Variants in CFAP20 observed in about 807,000 individuals in gnomAD.
CFAP20 encodes the protein cilia- and flagella-associated protein 20.
CFAP20 carries 14 observed loss-of-function variants against 25.5 expected under a neutral mutation model. That is an observed-to-expected ratio of 0.55 (90% confidence interval 0.36 to 0.86). The LOEUF (loss-of-function observed/expected upper bound fraction) is 0.86, where lower values mean the gene tolerates loss of function less well. Among genes scored for constraint, CFAP20 ranks in the 40% least tolerant of loss-of-function variants. The probability of loss-of-function intolerance (pLI) is 0.01; values close to 1 mark genes in which losing one functional copy is unlikely to be tolerated. For missense variants in CFAP20, 181 were observed against 248.0 expected (o/e 0.73, Z 1.81); for synonymous variants, 75 against 91.1 (o/e 0.82, Z 1.01).
Position 58,114,905 on chromosome 16 carries a change from G to A in CFAP20, c.481C>T (p.Arg161Cys), listed in dbSNP as rs1163431364. 8 of 1,613,382 alleles carry A rather than the reference G, an allele frequency of 5.0e-6. No homozygotes were observed. The highest frequency in any genetic ancestry group is 3.3e-5 in the Admixed American group (2 of 59,976). ...TCTGAGAAGTAAACCCGTCGGATGC[G>A]ACAATTTGCATGGATCTGTCAAGGC... Reference protein sequence around the residue: ...TLRVQIHANCRIRRVYFSDRL... With the variant: ...TLRVQIHANCCIRRVYFSDRL... Residue 161 changes from arginine (R) to cysteine (C), a missense_variant, in exon 5 of 6, where the codon CGC (arginine) becomes TGC (cysteine). Transcript: ENST00000262498.
Position 58,115,260 on chromosome 16 carries a change from G to A in CFAP20, c.465+9C>T. On this transcript the variant is annotated intron_variant, in intron 4 of 5. Coordinates refer to ENST00000262498, the MANE Select transcript of CFAP20 (RefSeq NM_013242.3). ...CAACCCAGGGCTCTATCTGGGAAAG[G>A]AGCAGTACCTGCACTCTGAGGGTCT... 3 of 1,614,054 alleles carry A rather than the reference G, an allele frequency of 1.9e-6. No individual in the cohort carries two copies. The highest frequency in any genetic ancestry group is 1.1e-5 in the South Asian group (1 of 91,042).
At chr16:58,121,759 C>T (rs1003611814) in intron 1 of CFAP20, among the ~76,000 whole-genome samples, 2 of 152,122 alleles carry the variant, frequency 1.3e-5, no homozygotes, top group Non-Finnish European at 2.9e-5. Context: ...CGATTTCTCT[C>T]CCTCCCCGCA....
intron 1 of CFAP20, among the ~76,000 whole-genome samples, chr16:58,123,941 C>A (rs948042216): frequency 6.6e-6 from 1 of 152,124 alleles, no homozygotes; most frequent in South Asian, 2.1e-4. Context: ...GAAGGTCACT[C>A]TGAGAAAGGC....
chr16:58,127,145 A>G (rs1960626141), intron 1 of CFAP20, among the ~76,000 whole-genome samples: 1 of 152,204 alleles, frequency 6.6e-6, no homozygotes, highest in South Asian at 2.1e-4. Context: ...TGGCGTTGTT[A>G]AGGGACACAG....
chr16:58,125,780 T>C (rs1960603275), intron 1 of CFAP20, among the ~76,000 whole-genome samples: 1 of 152,264 alleles, frequency 6.6e-6, no homozygotes, highest in Non-Finnish European at 1.5e-5. Context: ...CTGAACATCA[T>C]TGTATATGCT....
chr16:58,126,919 G>A (rs574680659), intron 1 of CFAP20, among the ~76,000 whole-genome samples: 1 of 152,136 alleles, frequency 6.6e-6, no homozygotes, highest in East Asian at 1.9e-4. Context: ...CCCAAGAGGG[G>A]AAAAATCCTC....
In CFAP20 at chr16:58,116,846, C is replaced by T. The variant is rs764641089; in HGVS notation, c.164+26G>A. On this transcript the variant is annotated intron_variant, in intron 2 of 5. Transcript: ENST00000262498. ...ACTGCCTCCCTAGTATATGATGTCT[C>T]TGGGAGAACAGAGGTGGCAACCTAC... The T allele has an allele frequency of 1.9e-6, 3 of 1,596,476 alleles. No homozygotes were observed. In the South Asian group the frequency reaches 3.3e-5, roughly 18 times the overall value.
At position 58,113,831 on chromosome 16, in the gene CFAP20, C is replaced by G. The variant is rs1409000778; in HGVS notation, c.*194G>C. On this transcript the variant is annotated 3_prime_UTR_variant, in exon 6 of 6. Coordinates refer to ENST00000262498, the MANE Select transcript of CFAP20 (RefSeq NM_013242.3). ...TGCGCCACTCACAGGACTGCTTACC[C>G]CCACTGCACTTACAATGCAGTCACA... 1 of 634,510 alleles carries G rather than the reference C, an allele frequency of 1.6e-6. No individual in the cohort carries two copies. Among genetic ancestry groups the G allele is most frequent in the Non-Finnish European group, 2.8e-6 (1 of 359,966 alleles). 39.3% of individuals were successfully genotyped at this position (634,510 alleles called of 1,614,324 possible).
intron 5 of CFAP20, 139 bp from the exon 6 acceptor site, chr16:58,114,169 C>T: frequency 2.2e-6 from 2 of 913,106 alleles, no homozygotes; most frequent in Non-Finnish European, 3.6e-6. Context: ...AGCACACAGG[C>T]AGGGAAGCAC....
intron 3 of CFAP20, 25 bp from the exon 4 acceptor site, chr16:58,115,482 C>A (rs1338236839): frequency 6.2e-7 from 1 of 1,610,498 alleles, no homozygotes; most frequent in South Asian, 1.1e-5. Context: ...GAAGAAGCAT[C>A]ACACTAGCTC....
intron 1 of CFAP20, among the ~76,000 whole-genome samples, chr16:58,123,551 G>A (rs1224187244): frequency 6.2e-5 from 8 of 130,054 alleles, no homozygotes; most frequent in Middle Eastern, 4.2e-3. Flanking sequence ...AGCCGAGATC[G>A]TGCCACTGCA....
intron 2 of CFAP20, chr16:58,116,624 G>A (rs894061098): frequency 1.3e-5 from 7 of 525,162 alleles, no homozygotes; most frequent in Non-Finnish European, 2.4e-5. Flanking sequence ...GGCTTTACGT[G>A]TTTTATATAT....
At chr16:58,114,774 C>A (rs749895771) in intron 5 of CFAP20, 36 bp downstream of exon 5, 1 of 1,528,718 alleles carries the variant, frequency 6.5e-7, no homozygotes. Flanking sequence ...TCCCCCCACT[C>A]ACTGGTGGAC....
chr16:58,124,562 T>C (rs1174639254), intron 1 of CFAP20, among the ~76,000 whole-genome samples: 1 of 152,216 alleles, frequency 6.6e-6, no homozygotes, highest in Non-Finnish European at 1.5e-5. Flanking sequence ...CATACTACTG[T>C]ACTGAATACT....
At chr16:58,117,122 CA>C in intron 1 of CFAP20, 171 bp from the exon 2 acceptor site, 1 of 559,978 alleles carries the variant, frequency 1.8e-6, no homozygotes, top group East Asian at 3.0e-5. Flanking sequence ...TCACACCAAC[CA>C]CCAAGGGAAT....
intron 1 of CFAP20, among the ~76,000 whole-genome samples, chr16:58,127,681 C>T (rs924108104): frequency 1.3e-5 from 2 of 152,222 alleles, no homozygotes; most frequent in Non-Finnish European, 2.9e-5. Context: ...CTAGCTCTAG[C>T]TTGTGGATAG....
At chr16:58,125,195 C>G (rs930525191) in intron 1 of CFAP20, among the ~76,000 whole-genome samples, 1 of 152,190 alleles carries the variant, frequency 6.6e-6, no homozygotes, top group Non-Finnish European at 1.5e-5. Context: ...CGCACAGGGT[C>G]AGGATCATTA....
rs745644548 is a variant in CFAP20 at position 58,128,997 on chromosome 16, C to T, written c.84+35G>A. The T allele has an allele frequency of 1.3e-5, 21 of 1,591,324 alleles. 1 individual carries two copies. In the South Asian group the frequency reaches 2.2e-4, roughly 17 times the overall value. On this transcript the variant is annotated intron_variant, in intron 1 of 5. Transcript: ENST00000262498. Reference sequence around the variant, plus strand: ...CCCCGGACGAGGAGGGGGTGCAGCCCCTCCACCCCGCCCCGTCGCCGCCCC... The same window carrying T: ...CCCCGGACGAGGAGGGGGTGCAGCCTCTCCACCCCGCCCCGTCGCCGCCCC...
chr16:58,129,167 A>T lies in CFAP20; in HGVS notation c.-52T>A. On this transcript the variant is annotated 5_prime_UTR_variant, in exon 1 of 6. Transcript: ENST00000262498. The stretch of plus-strand genomic sequence containing the variant: ...CCCCCGGAGCCGACCTAGGCCCCGG[A>T]GTAGATACAGGCACCGAGCGTCGAG... 1 of 1,589,434 alleles carries T rather than the reference A, an allele frequency of 6.3e-7. No individual in the cohort carries two copies. Among genetic ancestry groups the T allele is most frequent in the Non-Finnish European group, 8.6e-7 (1 of 1,162,996 alleles).
Sources: allele counts gnomAD v4.1 joint callset (sites outside exome capture counted in the v4.1 genomes callset), GRCh38; gene constraint gnomAD v4.1.1; transcripts MANE v1.5; gene names NCBI Gene and HGNC (gene_info 2026-07-23, HGNC 2026-07-21).